Variants in BANK1 observed in about 807,000 individuals in gnomAD.
BANK1 encodes the protein B-cell scaffold protein with ankyrin repeats.
A neutral mutation model predicts 94.5 loss-of-function variants in BANK1; 95 were observed. That is an observed-to-expected ratio of 1.00 (90% CI 0.85 to 1.19). BANK1 has a LOEUF of 1.19. BANK1 is among the 50% of genes most tolerant of loss of function. The pLI, the probability that BANK1 is intolerant of heterozygous loss-of-function variation, is 0.00. For synonymous variants in BANK1, 334 were observed against 308.4 expected, an observed-to-expected ratio of 1.08 and a Z score of -0.87; for missense variants, 987 against 932.2, an observed-to-expected ratio of 1.06 and a Z score of -0.77.
At chr4:101,834,147 G>C (rs570438358) in intron 2 of BANK1, among the ~76,000 whole-genome samples, 12 of 151,996 alleles carry the variant, frequency 7.9e-5, no homozygotes, top group Non-Finnish European at 1.3e-4. Context: ...CAGTTGTTTT[G>C]TTTTATGATG....
At chr4:102,063,688 G>T (rs368430764) in intron 13 of BANK1, among the ~76,000 whole-genome samples, 2 of 151,738 alleles carry the variant, frequency 1.3e-5, no homozygotes, top group East Asian at 1.9e-4. Flanking sequence ...CGGCCATGAT[G>T]GTGCATGCCT....
At chr4:101,799,806 G>A (rs527267791) in intron 1 of BANK1, among the ~76,000 whole-genome samples, 4 of 152,192 alleles carry the variant, frequency 2.6e-5, no homozygotes, top group Admixed American at 6.5e-5. Context: ...CCTGGGAGGC[G>A]GAGCTTGCAG....
At chr4:101,861,419 GT>G (rs911885117) in intron 3 of BANK1, among the ~76,000 whole-genome samples, 1 of 151,876 alleles carries the variant, frequency 6.6e-6, no homozygotes. Context: ...TGGGATCCCT[GT>G]TTTTTTTAAG....
chr4:101,916,899 A>G (rs1377071131), intron 6 of BANK1, among the ~76,000 whole-genome samples: 2 of 152,018 alleles, frequency 1.3e-5, no homozygotes, highest in Non-Finnish European at 2.9e-5. Flanking sequence ...AATTAAATGA[A>G]AATTGCCATG....
At chr4:102,040,433 C>T (rs868712260) in intron 10 of BANK1, among the ~76,000 whole-genome samples, 6 of 151,818 alleles carry the variant, frequency 4.0e-5, no homozygotes, top group African/African-American at 9.7e-5. Flanking sequence ...GTGGTGACAA[C>T]GACTAATAAT....
intron 5 of BANK1, among the ~76,000 whole-genome samples, chr4:101,878,526 A>G (rs1376792227): frequency 6.6e-6 from 1 of 152,206 alleles, no homozygotes; most frequent in African/African-American, 2.4e-5. Flanking sequence ...CCAACACCTC[A>G]ATTTCAGCAT....
At chr4:102,008,416 A>C (rs896350064) in intron 7 of BANK1, among the ~76,000 whole-genome samples, 4 of 152,214 alleles carry the variant, frequency 2.6e-5, no homozygotes, top group Admixed American at 6.5e-5. Context: ...CTCTCATTTA[A>C]CAGCAAAACA....
At chr4:102,002,876 G>T (rs1411913238) in intron 7 of BANK1, among the ~76,000 whole-genome samples, 1 of 152,160 alleles carries the variant, frequency 6.6e-6, no homozygotes, top group African/African-American at 2.4e-5. Flanking sequence ...CTAGGTTCAA[G>T]TGATTCTCAT....
At chr4:101,814,288 C>T (rs187762452) in intron 1 of BANK1, among the ~76,000 whole-genome samples, 239 of 152,232 alleles carry the variant, frequency 1.6e-3, no homozygotes, top group African/African-American at 5.4e-3. Flanking sequence ...AGTATTCAGG[C>T]AGGTAAAACA....
Position 102,066,418 on chromosome 4 carries a change from G to T in BANK1, c.2212+3280G>T, listed in dbSNP as rs977259553. On this transcript the variant is annotated intron_variant, in intron 13 of 16. Transcript: ENST00000322953. The stretch of plus-strand genomic sequence containing the variant: ...ACTACAGGCACCCGCCACTACGCCC[G>T]GCTAATTTTTTCTATTTTTTAGTAG... Among the ~76,000 whole-genome samples, 4 of 152,062 alleles carry T rather than the reference G, an allele frequency of 2.6e-5. No individual in the cohort carries two copies. In the East Asian group the frequency reaches 7.8e-4, roughly 29 times the overall value.
At chr4:102,010,732 T>C (rs1021457406) in intron 7 of BANK1, among the ~76,000 whole-genome samples, 5 of 152,186 alleles carry the variant, frequency 3.3e-5, no homozygotes, top group African/African-American at 1.2e-4. Context: ...AACCAAAATG[T>C]CTACAAATAC....
chr4:102,016,802 A>C lies in BANK1; in HGVS notation c.1207-4712A>C, dbSNP rs554561809. Among the ~76,000 whole-genome samples, 5 of 152,216 alleles carry C rather than the reference A, an allele frequency of 3.3e-5. No individual in the cohort carries two copies. In the South Asian group the frequency reaches 1.0e-3, roughly 32 times the overall value. On this transcript the variant is annotated intron_variant, in intron 7 of 16. Coordinates refer to ENST00000322953, the MANE Select transcript of BANK1 (RefSeq NM_017935.5). Reference sequence around the variant, plus strand: ...TCTAATATCCTTTTCTGAATCCTAGAATCTAGACCTCAGAAAAGCCAGGAG... The same window carrying C: ...TCTAATATCCTTTTCTGAATCCTAGCATCTAGACCTCAGAAAAGCCAGGAG...
intron 3 of BANK1, 82 bp from the exon 4 acceptor site, chr4:101,862,444 T>C: frequency 7.6e-6 from 9 of 1,180,654 alleles, no homozygotes; most frequent in Non-Finnish European, 1.1e-5. Context: ...TGTATTACCT[T>C]AATTATAAAG....
chr4:101,925,637 A>G (rs980766144), intron 7 of BANK1, among the ~76,000 whole-genome samples: 2 of 151,890 alleles, frequency 1.3e-5, no homozygotes, highest in African/African-American at 4.8e-5. Flanking sequence ...TTTGCTTCAC[A>G]TGCTGGCAGT....
chr4:101,988,148 A>G (rs892051610), intron 7 of BANK1, among the ~76,000 whole-genome samples: 3 of 152,208 alleles, frequency 2.0e-5, no homozygotes, highest in African/African-American at 7.2e-5. Context: ...ATCAGTTATC[A>G]TTAGAGATCC....
chr4:101,813,819 T>C (rs1578331851), intron 1 of BANK1: 1 of 981,600 alleles, frequency 1.0e-6, no homozygotes, highest in East Asian at 1.1e-4. Context: ...GGTCTGCAAT[T>C]TCCCTTCTGG....
chr4:101,863,917 C>T (rs181706195), intron 4 of BANK1, among the ~76,000 whole-genome samples: 13 of 152,160 alleles, frequency 8.5e-5, no homozygotes, highest in Admixed American at 3.9e-4. Flanking sequence ...TCCCAAATAG[C>T]AGATCAAGAT....
chr4:101,816,479 G>T (rs996133705), intron 1 of BANK1, among the ~76,000 whole-genome samples: 4 of 151,958 alleles, frequency 2.6e-5, no homozygotes, highest in Middle Eastern at 6.9e-3. Flanking sequence ...CATGAGTGGG[G>T]CTGTGATGTA....
chr4:101,878,918 C>T (rs1319392374), intron 5 of BANK1, among the ~76,000 whole-genome samples: 1 of 151,218 alleles, frequency 6.6e-6, no homozygotes, highest in Non-Finnish European at 1.5e-5. Flanking sequence ...TATGGCAGTA[C>T]AACATACCAA....
Sources: gnomAD v4.1 joint callset for allele counts (sites outside exome capture counted in the v4.1 genomes callset) on GRCh38, gnomAD v4.1.1 for gene constraint, MANE v1.5 for transcripts, NCBI Gene and HGNC (gene_info 2026-07-23, HGNC 2026-07-21) for gene names.